The following TMEM132D variants were observed in gnomAD, a reference collection of about 807,000 sequenced individuals.
TMEM132D encodes the protein mature OL transmembrane protein.
In TMEM132D, 21 loss-of-function variants were observed where a neutral mutation model predicts 62.3. The observed-to-expected ratio is 0.34, with a 90% CI of 0.24 to 0.49. The LOEUF (loss-of-function observed/expected upper bound fraction) is 0.49, where lower values mean the gene tolerates loss of function less well. Ranked by LOEUF, TMEM132D falls within the 20% of genes least tolerant of loss-of-function variation. The pLI is 0.99. For synonymous variants in TMEM132D, 621 were observed against 575.6 expected (o/e 1.08, Z -1.13); for missense variants, 1,346 against 1,402.8 (o/e 0.96, Z 0.65).
chr12:129,724,466 T>C (rs1034540364), intron 1 of TMEM132D, among the ~76,000 whole-genome samples: 2 of 152,322 alleles, frequency 1.3e-5, no homozygotes. Flanking sequence ...CTTTGGACTT[T>C]TGGCTTGCAG....
At position 129,133,579 on chromosome 12, in the gene TMEM132D, T is replaced by G. The variant is rs112960489; in HGVS notation, c.1444-48877A>C. ...GGAGGTCTGTCTTGGTATCTGCTTA[T>G]TGGAAGACCTGAGGATAGATATGGG... On this transcript the variant is annotated intron_variant, in intron 5 of 8. Transcript: ENST00000422113. 2.6e-5 allele frequency among the ~76,000 whole-genome samples: 4 copies of G among 152,380 alleles called. 2 individuals are homozygous for G. Among genetic ancestry groups the G allele is most frequent in the African/African-American group, 9.6e-5 (4 of 41,592 alleles).
intron 3 of TMEM132D, among the ~76,000 whole-genome samples, chr12:129,368,683 G>T (rs772289815): frequency 4.0e-5 from 6 of 151,790 alleles, no homozygotes; most frequent in Admixed American, 6.6e-5. Flanking sequence ...TGTGGGCAGT[G>T]TTGCAAACTA....
chr12:129,755,966 A>G (rs1444432953), intron 1 of TMEM132D, among the ~76,000 whole-genome samples: 1 of 152,218 alleles, frequency 6.6e-6, no homozygotes, highest in African/African-American at 2.4e-5. Context: ...CACAAATCTG[A>G]ATAAAATCAA....
intron 4 of TMEM132D, among the ~76,000 whole-genome samples, chr12:129,302,962 G>A (rs994256492): frequency 3.9e-5 from 6 of 152,150 alleles, no homozygotes; most frequent in African/African-American, 1.4e-4. Flanking sequence ...TCCCATGTCT[G>A]CTCCAAAGGC....
chr12:129,656,059 AT>A (rs1407681942), intron 2 of TMEM132D, among the ~76,000 whole-genome samples: 10 of 152,188 alleles, frequency 6.6e-5, no homozygotes, highest in Admixed American at 5.9e-4. Context: ...TAGATTTCCC[AT>A]TCTATAATTA....
chr12:129,188,834 A>G (rs1878301516), intron 5 of TMEM132D, among the ~76,000 whole-genome samples: 1 of 151,734 alleles, frequency 6.6e-6, no homozygotes, highest in Non-Finnish European at 1.5e-5. Flanking sequence ...GAGCTTAATC[A>G]GAAATGAAAG....
chr12:129,659,634 G>T (rs188006432), intron 2 of TMEM132D, among the ~76,000 whole-genome samples: 2 of 151,778 alleles, frequency 1.3e-5, no homozygotes, highest in East Asian at 3.9e-4. Context: ...TCTTCTCTGT[G>T]AAGTGTTGTG....
chr12:129,315,633 T>G (rs1868462623), intron 4 of TMEM132D, among the ~76,000 whole-genome samples: 1 of 152,196 alleles, frequency 6.6e-6, no homozygotes, highest in Admixed American at 6.5e-5. Flanking sequence ...TTCCTGGTTT[T>G]TGTATTAGGG....
In TMEM132D at chr12:129,531,082, C is replaced by T; in HGVS notation, c.1092G>A (p.Lys364=). 1.9e-6 allele frequency: 3 copies of T among 1,613,206 alleles called. No homozygotes were observed. Among genetic ancestry groups the T allele is most frequent in the Non-Finnish European group, 1.7e-6 (2 of 1,179,492 alleles). ...KYAPAVIVCQ[K]KAAGSENSAD... Reference sequence around the variant, plus strand: ...ACCTGTTTTCTGAGCCAGCTGCTTTCTTCTGACAAACGATGACAGCTGGTG... The same window carrying T: ...ACCTGTTTTCTGAGCCAGCTGCTTTTTTCTGACAAACGATGACAGCTGGTG... The change falls in exon 3 of 9, where the codon AAG becomes AAA. Residue 364 remains lysine (K), a synonymous_variant. Transcript: ENST00000422113.
intron 3 of TMEM132D, among the ~76,000 whole-genome samples, chr12:129,414,161 G>A (rs949623883): frequency 2.0e-5 from 3 of 152,042 alleles, no homozygotes; most frequent in Non-Finnish European, 2.9e-5. Flanking sequence ...AACACCATAC[G>A]CTTTTTTCTT....
intron 3 of TMEM132D, among the ~76,000 whole-genome samples, chr12:129,400,004 TGATA>T (rs1285116926): frequency 1.3e-5 from 2 of 152,120 alleles, no homozygotes; most frequent in Non-Finnish European, 2.9e-5. Flanking sequence ...GTGATTGTGA[TGATA>T]GATCATTATG....
chr12:129,806,543 T>C (rs1304186139), intron 1 of TMEM132D, among the ~76,000 whole-genome samples: 1 of 96,940 alleles, frequency 1.0e-5, no homozygotes, highest in Non-Finnish European at 1.9e-5. Context: ...GGGACTGTTG[T>C]GGGGTGGGGG....
intron 4 of TMEM132D, among the ~76,000 whole-genome samples, chr12:129,300,005 T>C (rs1487018475): frequency 6.6e-6 from 1 of 152,218 alleles, no homozygotes; most frequent in African/African-American, 2.4e-5. Context: ...TGATTTCTTT[T>C]AAAGGCGAAA....
intron 4 of TMEM132D, among the ~76,000 whole-genome samples, chr12:129,222,495 C>T (rs552680000): frequency 1.3e-5 from 2 of 152,218 alleles, no homozygotes; most frequent in East Asian, 1.9e-4. Context: ...TTTGATATAG[C>T]AGTTTTAGAC....
intron 1 of TMEM132D, among the ~76,000 whole-genome samples, chr12:129,792,817 T>G (rs1871440307): frequency 6.6e-6 from 1 of 152,124 alleles, no homozygotes; most frequent in Non-Finnish European, 1.5e-5. Context: ...GAGCTTACAT[T>G]TGGCATTTTT....
chr12:129,506,142 G>A (rs961707853), intron 3 of TMEM132D, among the ~76,000 whole-genome samples: 2 of 152,094 alleles, frequency 1.3e-5, no homozygotes, highest in South Asian at 2.1e-4. Flanking sequence ...GCTTTAAAGA[G>A]GTTCTGTTTT....
At chr12:129,821,949 G>C (rs1212037181) in intron 1 of TMEM132D, among the ~76,000 whole-genome samples, 1 of 152,118 alleles carries the variant, frequency 6.6e-6, no homozygotes, top group Non-Finnish European at 1.5e-5. Flanking sequence ...AATATTTTTT[G>C]ATCTCCTGCT....
At chr12:129,354,118 A>G (rs892731870) in intron 3 of TMEM132D, among the ~76,000 whole-genome samples, 1 of 152,094 alleles carries the variant, frequency 6.6e-6, no homozygotes, top group African/African-American at 2.4e-5. Context: ...AGCTCAGCCC[A>G]GGCACAGACA....
rs35768966 is a variant in TMEM132D at position 129,287,045 on chromosome 12, CA to C, written c.1299+50588del. 1.9e-3 allele frequency among the ~76,000 whole-genome samples: 274 copies of C among 140,678 alleles called. 4 individuals carry two copies. Among genetic ancestry groups the C allele is most frequent in the East Asian group, 0.013 (62 of 4,818 alleles). The allele number at this position is 140,678 out of a possible 152,430, so 92.3% of individuals were successfully genotyped here. A position where few individuals can be genotyped will look rare whatever the true frequency, so the allele number is the denominator to read the frequency against. ...CCTGGGCAACAGAGTGAGACTCTGTCAAAAAAAAAAAAGGGAGAAAAGGGGC... is the reference window on the plus strand; with the variant it reads ...CCTGGGCAACAGAGTGAGACTCTGTCAAAAAAAAAAAGGGAGAAAAGGGGC... On this transcript the variant is annotated intron_variant, in intron 4 of 8. Coordinates refer to ENST00000422113, the MANE Select transcript of TMEM132D (RefSeq NM_133448.3).
Sources: gnomAD v4.1 joint callset for allele counts (sites outside exome capture counted in the v4.1 genomes callset) on GRCh38, gnomAD v4.1.1 for gene constraint, MANE v1.5 for transcripts, NCBI Gene and HGNC (gene_info 2026-07-23, HGNC 2026-07-21) for gene names.